DNAH11: variants seen among roughly 807,000 people sequenced by gnomAD.
The protein encoded by DNAH11 is axonemal beta dynein heavy chain 11.
A neutral mutation model predicts 526.0 loss-of-function variants in DNAH11; 442 were observed. The ratio of observed to expected loss-of-function variants is 0.84; its 90% CI spans 0.78 to 0.91. DNAH11 has a LOEUF of 0.91. DNAH11 is among the 40% of genes least tolerant of loss of function. The pLI, the probability that DNAH11 is intolerant of heterozygous loss-of-function variation, is 0.00. For missense variants in DNAH11, 6,989 were observed against 5,448.7 expected, an observed-to-expected ratio of 1.28 and a Z score of -8.90; for synonymous variants, 2,461 against 1,935.9, an observed-to-expected ratio of 1.27 and a Z score of -7.12.
intron 1 of DNAH11, 62 bp from the exon 2 acceptor site, chr7:21,544,944 A>T: frequency 1.5e-6 from 2 of 1,365,814 alleles, no homozygotes; most frequent in Non-Finnish European, 2.0e-6. Context: ...CAAGTTGGAT[A>T]TAGTAAATCC....
At chr7:21,843,380 C>G (rs999228508) in intron 66 of DNAH11, among the ~76,000 whole-genome samples, 1 of 151,420 alleles carries the variant, frequency 6.6e-6, no homozygotes, top group Admixed American at 6.6e-5. Flanking sequence ...TCCATAAGGA[C>G]TAGTGAAGAA....
chr7:21,781,922 A>G (rs553269988), intron 57 of DNAH11, among the ~76,000 whole-genome samples: 1 of 152,158 alleles, frequency 6.6e-6, no homozygotes, highest in South Asian at 2.1e-4. Flanking sequence ...TGATCTTTTC[A>G]CTGTGATTAC....
chr7:21,879,621 A>G (rs1242648218), intron 74 of DNAH11, among the ~76,000 whole-genome samples: 3 of 152,210 alleles, frequency 2.0e-5, no homozygotes, highest in Non-Finnish European at 4.4e-5. Context: ...TGCTGTAAGA[A>G]AGAGAATCAA....
intron 2 of DNAH11, among the ~76,000 whole-genome samples, chr7:21,554,664 T>C (rs1157467075): frequency 1.3e-5 from 2 of 152,188 alleles, no homozygotes; most frequent in African/African-American, 2.4e-5. Context: ...AAAAACTGGA[T>C]TCTAGGAATT....
Position 21,775,322 on chromosome 7 carries a change from G to C in DNAH11, c.9336+1323G>C, listed in dbSNP as rs76804992. Reference sequence around the variant, plus strand: ...GTGCACCTTCTCCTTTCCTCTCAAAGAACGTCTGTCTAGGCCAGGCACAGT... The same window carrying C: ...GTGCACCTTCTCCTTTCCTCTCAAACAACGTCTGTCTAGGCCAGGCACAGT... On this transcript the variant is annotated intron_variant, in intron 56 of 81. Transcript: ENST00000409508. Among the ~76,000 whole-genome samples, 949 of 152,180 alleles carry C rather than the reference G, an allele frequency of 6.2e-3. 8 individuals are homozygous for C. Among genetic ancestry groups the C allele is most frequent in the African/African-American group, 0.022 (897 of 41,534 alleles).
chr7:21,900,244 C>G, intron 81 of DNAH11, 124 bp downstream of exon 81: 8 of 1,072,818 alleles, frequency 7.5e-6, no homozygotes, highest in Non-Finnish European at 1.0e-5. Context: ...TAGTCATTAT[C>G]TCATTTCTTC....
At chr7:21,617,479 T>C in intron 22 of DNAH11, 140 bp from the exon 23 acceptor site, 1 of 964,122 alleles carries the variant, frequency 1.0e-6, no homozygotes, top group Non-Finnish European at 1.5e-6. Flanking sequence ...TTCTCTGGTT[T>C]TGCTCCTTGG....
chr7:21,543,750 C>T, intron 1 of DNAH11, 154 bp downstream of exon 1: 1 of 734,366 alleles, frequency 1.4e-6, no homozygotes, highest in Non-Finnish European at 2.2e-6. Flanking sequence ...CAGGACTCCT[C>T]CCCACGTGCA....
At position 21,649,555 on chromosome 7, in the gene DNAH11, A is replaced by G. The variant is rs150735366; in HGVS notation, c.4945-6277A>G. On this transcript the variant is annotated intron_variant, in intron 28 of 81. Transcript: ENST00000409508. Reference sequence around the variant, plus strand: ...CTATAGGAGGCAGATGCAAAAGAGTACGTACTATGTGAATTCACTTCTATA... The same window carrying G: ...CTATAGGAGGCAGATGCAAAAGAGTGCGTACTATGTGAATTCACTTCTATA... 1.6e-3 allele frequency among the ~76,000 whole-genome samples: 240 copies of G among 152,336 alleles called. 1 individual carries two copies. Among genetic ancestry groups the G allele is most frequent in the African/African-American group, 5.6e-3 (233 of 41,586 alleles).
chr7:21,831,123 G>T (rs1010931711), intron 65 of DNAH11, among the ~76,000 whole-genome samples: 1 of 152,146 alleles, frequency 6.6e-6, no homozygotes, highest in Non-Finnish European at 1.5e-5. Flanking sequence ...ATGGATTAAG[G>T]TTAACCTCTG....
At chr7:21,872,140 A>AAAAAAAACAAAAC (rs1783525866) in intron 73 of DNAH11, among the ~76,000 whole-genome samples, 1 of 146,618 alleles carries the variant, frequency 6.8e-6, no homozygotes, top group East Asian at 2.0e-4. Context: ...AAAAAAAAAA[A>AAAAAAAACAAAAC]AAAAAAAAAC....
chr7:21,804,898 C>A (rs1280385645), intron 62 of DNAH11, among the ~76,000 whole-genome samples: 1 of 152,218 alleles, frequency 6.6e-6, no homozygotes, highest in Non-Finnish European at 1.5e-5. Context: ...GCTTTACTGA[C>A]CTGCAAGGCC....
intron 40 of DNAH11, among the ~76,000 whole-genome samples, chr7:21,710,184 A>G (rs1193320964): frequency 6.6e-6 from 1 of 152,218 alleles, no homozygotes; most frequent in Non-Finnish European, 1.5e-5. Flanking sequence ...TATTTGATCT[A>G]AAATGGATAC....
intron 30 of DNAH11, among the ~76,000 whole-genome samples, chr7:21,660,154 T>G (rs1466903452): frequency 6.6e-6 from 1 of 152,086 alleles, no homozygotes; most frequent in African/African-American, 2.4e-5. Context: ...TAGTTAAATT[T>G]TTTTTCATGG....
chr7:21,594,597 CA>C (rs1481072751), intron 14 of DNAH11, among the ~76,000 whole-genome samples: 5 of 152,074 alleles, frequency 3.3e-5, no homozygotes. Flanking sequence ...AGGCCTCAAC[CA>C]GAAGGTGAAA....
intron 25 of DNAH11, among the ~76,000 whole-genome samples, chr7:21,631,212 C>T (rs1562714507): frequency 6.6e-6 from 1 of 152,178 alleles, no homozygotes; most frequent in African/African-American, 2.4e-5. Flanking sequence ...TGGGAAGGAC[C>T]TGCCTCCGTG....
intron 74 of DNAH11, among the ~76,000 whole-genome samples, chr7:21,874,991 T>C (rs2128039618): frequency 6.6e-6 from 1 of 152,320 alleles, no homozygotes; most frequent in South Asian, 2.1e-4. Flanking sequence ...TTCTCGTAAC[T>C]TTTGGGTCAA....
At chr7:21,818,638 A>G (rs2128000991) in intron 65 of DNAH11, among the ~76,000 whole-genome samples, 1 of 152,310 alleles carries the variant, frequency 6.6e-6, no homozygotes, top group South Asian at 2.1e-4. Context: ...CTCTAACTTC[A>G]GTAATTTGCA....
At chr7:21,629,897 A>G (rs948154426) in intron 25 of DNAH11, among the ~76,000 whole-genome samples, 3 of 152,032 alleles carry the variant, frequency 2.0e-5, no homozygotes, top group Non-Finnish European at 4.4e-5. Flanking sequence ...ATTTAATTGG[A>G]TAATTGAGTC....
Sources: gnomAD v4.1 joint callset for allele counts (sites outside exome capture counted in the v4.1 genomes callset) on GRCh38, gnomAD v4.1.1 for gene constraint, MANE v1.5 for transcripts, NCBI Gene and HGNC (gene_info 2026-07-23, HGNC 2026-07-21) for gene names.